ZNF597: variants seen among roughly 807,000 people sequenced by gnomAD.
ZNF597 encodes zinc finger protein 597.
ZNF597 carries 5 observed loss-of-function variants against 7.3 expected under a neutral mutation model. The ratio of observed to expected loss-of-function variants is 0.68; its 90% CI spans 0.36 to 1.44. The LOEUF is 1.44. Ranked by LOEUF, ZNF597 falls within the 40% of genes most tolerant of loss-of-function variation. The pLI is 0.04. For missense variants in ZNF597, 585 were observed against 517.9 expected (o/e 1.13, Z -1.26); for synonymous variants, 209 against 185.4 (o/e 1.13, Z -1.04).
rs1467377505 is a variant in ZNF597, at chr16:3,437,046, C to A, written c.653G>T (p.Ser218Ile). Residue 218 changes from serine (S) to isoleucine (I), a missense_variant, in exon 4 of 4, where the codon AGT (serine) becomes ATT (isoleucine). Physicochemically the swap from Ser to Ile is moderately radical, Grantham distance 142. Transcript: ENST00000301744. ...ATGAGAGTGCTGGCGAAAGCTGGCA[C>A]TGCACTTGGCACACTTATAAGGTTT... ...GEKPYKCAKC[S>I]ASFRQHSHLS... 1 of 1,614,212 alleles carries A rather than the reference C, an allele frequency of 6.2e-7. No individual in the cohort carries two copies. Among genetic ancestry groups the A allele is most frequent in the Non-Finnish European group, 8.5e-7 (1 of 1,180,044 alleles).
At chr16:3,442,886 ACTCT>A (rs909579887) in intron 2 of ZNF597, among the ~76,000 whole-genome samples, 1 of 151,854 alleles carries the variant, frequency 6.6e-6, no homozygotes, top group African/African-American at 2.4e-5. Context: ...ACATTGAGAA[ACTCT>A]CTCAGAGATT....
rs140914097 is a variant in ZNF597 at position 3,436,482 on chromosome 16, A to T, written c.1217T>A (p.Phe406Tyr). ...PFKCTVCGKT[F>Y]KSNLHLITHK... Reference sequence around the variant, plus strand: ...AGTAATGAGATGCAAATTCGACTTGAAAGTTTTCCCACACACGGTACATTT... The same window carrying T: ...AGTAATGAGATGCAAATTCGACTTGTAAGTTTTCCCACACACGGTACATTT... Residue 406 changes from phenylalanine (F) to tyrosine (Y), a missense_variant, in exon 4 of 4, where the codon TTC becomes TAC. By Grantham distance (22) the Phe-to-Tyr change is conservative. Coordinates refer to ENST00000301744, the MANE Select transcript of ZNF597 (RefSeq NM_152457.3). 6.2e-7 allele frequency: 1 copy of T among 1,614,076 alleles called. No individual in the cohort carries two copies. Among genetic ancestry groups the T allele is most frequent in the African/African-American group, 1.3e-5 (1 of 74,930 alleles).
intron 3 of ZNF597, 72 bp downstream of exon 3, chr16:3,440,735 T>C: frequency 6.3e-7 from 1 of 1,582,056 alleles, no homozygotes; most frequent in Non-Finnish European, 8.6e-7. Flanking sequence ...CATACCAACA[T>C]CTGGATAAAG....
intron 2 of ZNF597, among the ~76,000 whole-genome samples, chr16:3,441,154 AG>A (rs1421830570): frequency 3.3e-5 from 5 of 152,222 alleles, no homozygotes; most frequent in African/African-American, 1.2e-4. Flanking sequence ...CAGTGGTACA[AG>A]GACGGTGGAC....
In ZNF597 at chr16:3,436,427, C is replaced by A. The variant is rs188557350; in HGVS notation, c.1272G>T (p.Thr424=). The change falls in exon 4 of 4, where the codon ACG becomes ACT. Residue 424 remains threonine, a synonymous_variant. Transcript: ENST00000301744. ...THKRTHIKNT[T] Reference sequence around the variant, plus strand: ...ATAACAATTTGTTATATTTACTTTACGTGGTGTTTTTTATGTGAGTTCGCT... The same window carrying A: ...ATAACAATTTGTTATATTTACTTTAAGTGGTGTTTTTTATGTGAGTTCGCT... 3 of 1,611,454 alleles carry A rather than the reference C, an allele frequency of 1.9e-6. No homozygotes were observed. The highest frequency in any genetic ancestry group is 2.5e-6 in the Non-Finnish European group (3 of 1,178,398).
rs139653010 is a variant in ZNF597 at position 3,436,855 on chromosome 16, T to A, written c.844A>T (p.Asn282Tyr). 6.2e-7 allele frequency: 1 copy of A among 1,614,110 alleles called. No homozygotes were observed. Among genetic ancestry groups the A allele is most frequent in the African/African-American group, 1.3e-5 (1 of 75,022 alleles). ...AATGTTTCCTCAGGCAAAGCAAGAT[T>A]TGGTTTCTCATTAAAATGTTTATCA... ...NCDKHFNEKP[N>Y]LALPEETFVS... is the part of the protein sequence containing the mutation. The change falls in exon 4 of 4, where the codon AAT becomes TAT. Residue 282 changes from asparagine to tyrosine, a missense_variant. Transcript: ENST00000301744.
rs1437551283 is a variant in ZNF597, at chr16:3,433,184, A to G, written c.*3240T>C. The G allele has an allele frequency of 2.0e-5, 3 of 152,244 alleles. No homozygotes were observed. Among genetic ancestry groups the G allele is most frequent in the African/African-American group, 7.2e-5 (3 of 41,472 alleles). 9.4% of individuals were successfully genotyped at this position (152,244 alleles called of 1,614,324 possible). A position where few individuals can be genotyped will look rare whatever the true frequency, so the allele number is the denominator to read the frequency against. On this transcript the variant is annotated 3_prime_UTR_variant, in exon 4 of 4. Transcript: ENST00000301744. ...GAGGTGTCAATAGACTACCACCTGT[A>G]GCAACAAAGCTCTAAATAAAACTAT...
At position 3,436,824 on chromosome 16, in the gene ZNF597, G is replaced by C. The variant is rs1323876015; in HGVS notation, c.875C>G (p.Ser292Ter). 6.2e-7 allele frequency: 1 copy of C among 1,613,710 alleles called. No homozygotes were observed. Among genetic ancestry groups the C allele is most frequent in the African/African-American group, 1.3e-5 (1 of 74,926 alleles). ...CTTAGTGTGCTGGTACTGGGGGCCT[G>C]ATACGAATGTTTCCTCAGGCAAAGC... Reference protein sequence around the residue: ...NLALPEETFVSGPQYQHTKCM... With the variant: ...NLALPEETFV The change falls in exon 4 of 4, where the codon TCA (serine) becomes TGA (stop). Residue 292 changes from serine to a stop codon, truncating the protein, a stop_gained. Coordinates refer to ENST00000301744, the MANE Select transcript of ZNF597 (RefSeq NM_152457.3). LOFTEE classifies it low-confidence loss of function (END_TRUNC).
intron 2 of ZNF597, among the ~76,000 whole-genome samples, chr16:3,442,694 C>G (rs1042869193): frequency 6.8e-5 from 10 of 147,048 alleles, no homozygotes; most frequent in African/African-American, 2.3e-4. Flanking sequence ...AAAAAAAGAA[C>G]TTTTAAAAGT....
Position 3,437,482 on chromosome 16 carries a change from C to T in ZNF597, c.217G>A (p.Asp73Asn). The change falls in exon 4 of 4, where the codon GAC (aspartate) becomes AAC (asparagine). Residue 73 changes from aspartate (D) to asparagine (N), a missense_variant. Coordinates refer to ENST00000301744, the MANE Select transcript of ZNF597 (RefSeq NM_152457.3). ...QQLSLESMEL[D>N]ELALEKYPIA... The stretch of plus-strand genomic sequence containing the variant: ...GGGTACTTTTCTAAGGCAAGCTCGT[C>T]AAGTTCCATAGACTCTAGGCTTAAC... 1 of 1,614,066 alleles carries T rather than the reference C, an allele frequency of 6.2e-7. No individual in the cohort carries two copies. The highest frequency in any genetic ancestry group is 1.3e-5 in the African/African-American group (1 of 75,022).
chr16:3,440,806 C>G lies in ZNF597; in HGVS notation c.160+1G>C. ...AGATGCAGGAAAAACAATTGCCTTA[C>G]CCATCAAAGCCGCATCCTCCAAAGA... On this transcript the variant is annotated splice_donor_variant, in intron 3 of 3. Coordinates refer to ENST00000301744, the MANE Select transcript of ZNF597 (RefSeq NM_152457.3). LOFTEE classifies it high-confidence loss of function. The G allele has an allele frequency of 1.2e-6, 2 of 1,613,452 alleles. No individual in the cohort carries two copies. Among genetic ancestry groups the G allele is most frequent in the Non-Finnish European group, 1.7e-6 (2 of 1,179,704 alleles).
Position 3,435,283 on chromosome 16 carries a change from G to A in ZNF597, c.*1141C>T, listed in dbSNP as rs1402049268. ...ACTGTATATGTTAGTCAGGCTTTGGGTACAGCACAAAGGGAATGAAGGGGT... is the reference window on the plus strand; with the variant it reads ...ACTGTATATGTTAGTCAGGCTTTGGATACAGCACAAAGGGAATGAAGGGGT... On this transcript the variant is annotated 3_prime_UTR_variant, in exon 4 of 4. Coordinates refer to ENST00000301744, the MANE Select transcript of ZNF597 (RefSeq NM_152457.3). The A allele has an allele frequency of 2.0e-5, 3 of 152,150 alleles. No homozygotes were observed. The highest frequency in any genetic ancestry group is 7.2e-5 in the African/African-American group (3 of 41,426). The allele number at this position is 152,150 out of a possible 1,614,324, so 9.4% of individuals were successfully genotyped here.
chr16:3,440,087 A>G (rs1395460171), intron 3 of ZNF597, among the ~76,000 whole-genome samples: 3 of 152,162 alleles, frequency 2.0e-5, no homozygotes, highest in Non-Finnish European at 4.4e-5. Flanking sequence ...TAGTTTAGAT[A>G]CTCAATCCTA....
chr16:3,440,478 C>T (rs755353827), intron 3 of ZNF597, among the ~76,000 whole-genome samples: 9 of 152,010 alleles, frequency 5.9e-5, no homozygotes, highest in Non-Finnish European at 1.2e-4. Context: ...ACTAAAAATA[C>T]AAAAAATTAG....
intron 3 of ZNF597, among the ~76,000 whole-genome samples, chr16:3,440,274 G>C (rs1014549144): frequency 4.6e-5 from 7 of 152,204 alleles, no homozygotes; most frequent in African/African-American, 1.7e-4. Context: ...GTTTGTGAAA[G>C]ATTACCAAAT....
intron 2 of ZNF597, among the ~76,000 whole-genome samples, chr16:3,441,658 C>A (rs1013779413): frequency 6.6e-6 from 1 of 152,024 alleles, no homozygotes. Flanking sequence ...TGCACTCCAG[C>A]CTGGGCAACA....
In ZNF597 at chr16:3,434,336, G is replaced by T. The variant is rs989883354; in HGVS notation, c.*2088C>A. On this transcript the variant is annotated 3_prime_UTR_variant, in exon 4 of 4. Transcript: ENST00000301744. ...AGGGCAGAAGCAGGAGAGCAAGGAGGTGGTGTTCTTGTTATTTAACAAAGG... is the reference window on the plus strand; with the variant it reads ...AGGGCAGAAGCAGGAGAGCAAGGAGTTGGTGTTCTTGTTATTTAACAAAGG... 1 of 152,238 alleles carries T rather than the reference G, an allele frequency of 6.6e-6. No homozygotes were observed. The highest frequency in any genetic ancestry group is 1.5e-5 in the Non-Finnish European group (1 of 68,054). The allele number at this position is 152,238 out of a possible 1,614,324, so 9.4% of individuals were successfully genotyped here. A position where few individuals can be genotyped will look rare whatever the true frequency, so the allele number is the denominator to read the frequency against.
chr16:3,437,263 C>T lies in ZNF597; in HGVS notation c.436G>A (p.Asp146Asn). 6.2e-7 allele frequency: 1 copy of T among 1,614,186 alleles called. No homozygotes were observed. Among genetic ancestry groups the T allele is most frequent in the Non-Finnish European group, 8.5e-7 (1 of 1,180,014 alleles). Residue 146 changes from aspartate to asparagine, a missense_variant, in exon 4 of 4, where the codon GAT becomes AAT. By Grantham distance (23) the Asp-to-Asn change is conservative. Transcript: ENST00000301744. ...LGTNTLSEIL[D>N]SPWEGAKNVY... ...TTTTTGGCTCCTTCCCAGGGAGAATCAAGAATTTCAGAAAGTGTGTTGGTT... is the reference window on the plus strand; with the variant it reads ...TTTTTGGCTCCTTCCCAGGGAGAATTAAGAATTTCAGAAAGTGTGTTGGTT...
Position 3,436,620 on chromosome 16 carries a change from T to A in ZNF597, c.1079A>T (p.Gln360Leu). ...GGGCCTTTCCTCTGTATGAATGTTCTGATGGGAAATAAGCTCAGAGAAACA... is the reference window on the plus strand; with the variant it reads ...GGGCCTTTCCTCTGTATGAATGTTCAGATGGGAAATAAGCTCAGAGAAACA... ...FPCFSELISH[Q>L]NIHTEERPHK... Residue 360 changes from glutamine to leucine, a missense_variant, in exon 4 of 4, where the codon CAG becomes CTG. Gln to Leu is a moderately radical substitution (Grantham distance 113). Transcript: ENST00000301744. 1.2e-6 allele frequency: 2 copies of A among 1,605,788 alleles called. No homozygotes were observed. The highest frequency in any genetic ancestry group is 1.7e-6 in the Non-Finnish European group (2 of 1,175,438).
Sources: gnomAD v4.1 joint callset for allele counts (sites outside exome capture counted in the v4.1 genomes callset) on GRCh38, gnomAD v4.1.1 for gene constraint, MANE v1.5 for transcripts, NCBI Gene and HGNC (gene_info 2026-07-23, HGNC 2026-07-21) for gene names.